Variants in NCKAP1 observed in about 807,000 individuals in gnomAD.
NCKAP1 encodes nck-associated protein 1.
Under a neutral mutation model 151.2 loss-of-function variants are expected in NCKAP1, and 21 were observed. The observed-to-expected ratio is 0.14, with a 90% CI of 0.10 to 0.20. The LOEUF is 0.20. Ranked by LOEUF, NCKAP1 falls within the 10% of genes least tolerant of loss-of-function variation. The probability of loss-of-function intolerance (pLI) is 1.00; values close to 1 mark genes in which losing one functional copy is unlikely to be tolerated. For synonymous variants in NCKAP1, 484 were observed against 451.8 expected, an observed-to-expected ratio of 1.07 and a Z score of -0.90; for missense variants, 933 against 1,352.1, an observed-to-expected ratio of 0.69 and a Z score of 4.86.
chr2:182,991,918 TG>T (rs1343799373), intron 8 of NCKAP1, among the ~76,000 whole-genome samples: 5 of 152,306 alleles, frequency 3.3e-5, no homozygotes, highest in African/African-American at 1.2e-4. Flanking sequence ...GTACTTCAAG[TG>T]CTGGGTCCTC....
chr2:182,988,020 T>C (rs1698091478), intron 9 of NCKAP1, among the ~76,000 whole-genome samples: 1 of 152,170 alleles, frequency 6.6e-6, no homozygotes, highest in South Asian at 2.1e-4. Context: ...AGTCACTGAG[T>C]TATACAGCTA....
intron 8 of NCKAP1, 115 bp from the exon 9 acceptor site, chr2:182,989,301 T>C (rs1249140098): frequency 1.4e-6 from 1 of 720,166 alleles, no homozygotes. Context: ...AATTGAGGCT[T>C]CTGAGTGACA....
chr2:182,928,359 G>GCT (rs1696690565), intron 28 of NCKAP1, 133 bp from the exon 29 acceptor site: 6 of 597,848 alleles, frequency 1.0e-5, no homozygotes, highest in Non-Finnish European at 1.7e-5. Flanking sequence ...GACCGGACTT[G>GCT]CTCTCCTTTG....
In NCKAP1 at chr2:182,989,037, T is replaced by C; in HGVS notation, c.940A>G (p.Ile314Val). ...TAAATGAAAATGCCATACCCTCGTA[T>C]GTTTACAAATAAGTCTTCTGCAGCT... ...HKAAEDLFVN[I>V]RGYNKRINDI... Residue 314 changes from isoleucine to valine, a missense_variant, in exon 9 of 31, where the codon ATA becomes GTA. By Grantham distance (29) the Ile-to-Val change is conservative. Transcript: ENST00000361354. 6.2e-7 allele frequency: 1 copy of C among 1,610,098 alleles called. No individual in the cohort carries two copies. The highest frequency in any genetic ancestry group is 8.5e-7 in the Non-Finnish European group (1 of 1,179,036).
chr2:182,937,114 C>CAAAAA (rs67087110), intron 24 of NCKAP1, among the ~76,000 whole-genome samples: 4 of 80,810 alleles, frequency 4.9e-5, no homozygotes, highest in Non-Finnish European at 6.2e-5. Flanking sequence ...GACTGTCTCA[C>CAAAAA]AAAAAAAAAA....
At chr2:182,988,152 G>A (rs572208083) in intron 9 of NCKAP1, among the ~76,000 whole-genome samples, 1 of 152,202 alleles carries the variant, frequency 6.6e-6, no homozygotes, top group South Asian at 2.1e-4. Context: ...TCAGGAACCT[G>A]GATTTCAATT....
intron 24 of NCKAP1, among the ~76,000 whole-genome samples, chr2:182,937,557 T>C (rs1696903557): frequency 6.6e-6 from 1 of 152,186 alleles, no homozygotes; most frequent in African/African-American, 2.4e-5. Context: ...TTATACTGTA[T>C]CCTTCAAGCA....
At chr2:182,976,975 AG>A in intron 14 of NCKAP1, 24 bp from the exon 15 acceptor site, 1 of 1,357,112 alleles carries the variant, frequency 7.4e-7, no homozygotes. Flanking sequence ...AAAAAAAAAA[AG>A]ATTACAAAGC....
At chr2:182,973,371 C>T (rs572385171) in intron 15 of NCKAP1, among the ~76,000 whole-genome samples, 3 of 151,590 alleles carry the variant, frequency 2.0e-5, no homozygotes, top group Non-Finnish European at 4.4e-5. Flanking sequence ...AGAAGACAGA[C>T]GAGAGAAGAT....
chr2:183,013,522 T>C (rs1254926812), intron 2 of NCKAP1, among the ~76,000 whole-genome samples: 1 of 152,138 alleles, frequency 6.6e-6, no homozygotes, highest in Non-Finnish European at 1.5e-5. Flanking sequence ...AATCTGAACA[T>C]TTCTCACCTC....
chr2:182,996,355 G>C (rs908101801), intron 6 of NCKAP1, among the ~76,000 whole-genome samples: 10 of 152,132 alleles, frequency 6.6e-5, no homozygotes, highest in Admixed American at 1.3e-4. Context: ...GTTGATTACA[G>C]CTTTATTATC....
At chr2:183,003,573 A>G (rs1300524831) in intron 2 of NCKAP1, among the ~76,000 whole-genome samples, 1 of 152,086 alleles carries the variant, frequency 6.6e-6, no homozygotes, top group African/African-American at 2.4e-5. Context: ...ATTAAGGAAA[A>G]TCTGAAAGTG....
At chr2:182,953,932 T>C (rs1697271914) in intron 20 of NCKAP1, among the ~76,000 whole-genome samples, 2 of 152,252 alleles carry the variant, frequency 1.3e-5, no homozygotes, top group African/African-American at 4.8e-5. Flanking sequence ...CATGGTAAGT[T>C]GTTTGTAGCA....
Position 182,926,778 on chromosome 2 carries a change from A to AC in NCKAP1, c.3270+37dup, listed in dbSNP as rs764109936. The AC allele has an allele frequency of 9.5e-6, 13 of 1,370,558 alleles. No homozygotes were observed. In the Admixed American group the frequency reaches 2.5e-4, roughly 26 times the overall value. 84.9% of individuals were successfully genotyped at this position (1,370,558 alleles called of 1,614,324 possible). ...GAAAAGATTCTCAGGAACGACTGGA[A>AC]CTTTTTTATTGTTAGTAAAAATTAA... On this transcript the variant is annotated intron_variant, in intron 30 of 30. Coordinates refer to ENST00000361354, the MANE Select transcript of NCKAP1 (RefSeq NM_013436.5).
chr2:182,939,822 C>CT (rs1264794546), intron 24 of NCKAP1, among the ~76,000 whole-genome samples: 1 of 152,152 alleles, frequency 6.6e-6, no homozygotes. Flanking sequence ...TGAATCGTTT[C>CT]TTTTTCCAAA....
chr2:182,994,780 A>G lies in NCKAP1; in HGVS notation c.790+59T>C, dbSNP rs1039218706. 4 of 1,411,028 alleles carry G rather than the reference A, an allele frequency of 2.8e-6. No individual in the cohort carries two copies. In the Admixed American group the frequency reaches 5.2e-5, roughly 18 times the overall value. 87.4% of individuals were successfully genotyped at this position (1,411,028 alleles called of 1,614,324 possible). A position where few individuals can be genotyped will look rare whatever the true frequency, so the allele number is the denominator to read the frequency against. The stretch of plus-strand genomic sequence containing the variant: ...AGAGGTAGTAACCATGTCACCTGCT[A>G]TTTTTCTCTAAAACATAAAGCCTGG... On this transcript the variant is annotated intron_variant, in intron 8 of 30. Transcript: ENST00000361354.
chr2:182,983,237 T>C, intron 11 of NCKAP1, 49 bp downstream of exon 11: 1 of 1,441,178 alleles, frequency 6.9e-7, no homozygotes, highest in Non-Finnish European at 9.5e-7. Context: ...AAACGTTTTT[T>C]AAAATTTTAA....
intron 6 of NCKAP1, among the ~76,000 whole-genome samples, chr2:182,998,198 T>C (rs1362154746): frequency 6.6e-6 from 1 of 152,118 alleles, no homozygotes; most frequent in African/African-American, 2.4e-5. Context: ...GTGCCATCTA[T>C]GACAAACCCA....
rs1336460208 is a variant in NCKAP1, at chr2:182,910,676, T to C, written c.*15026A>G. 2 of 152,202 alleles carry C rather than the reference T, an allele frequency of 1.3e-5. No homozygotes were observed. Among genetic ancestry groups the C allele is most frequent in the African/African-American group, 4.8e-5 (2 of 41,450 alleles). 9.4% of individuals were successfully genotyped at this position (152,202 alleles called of 1,614,324 possible). ...AAAGAGCAACCCAGAAGTTAGTCCA[T>C]GTTTGGTGGAAAGGGGTCCTCAGCA... is the stretch of plus-strand genomic sequence containing the variant. On this transcript the variant is annotated 3_prime_UTR_variant, in exon 31 of 31. Transcript: ENST00000361354.
Sources: gnomAD v4.1 joint callset for allele counts (sites outside exome capture counted in the v4.1 genomes callset) on GRCh38, gnomAD v4.1.1 for gene constraint, MANE v1.5 for transcripts, NCBI Gene and HGNC (gene_info 2026-07-23, HGNC 2026-07-21) for gene names.